EDA: variants seen among roughly 807,000 people sequenced by gnomAD.
The protein encoded by EDA is ectodysplasin A, also known as ectodysplasin-A.
In EDA, 2 loss-of-function variants were observed where a neutral mutation model predicts 23.6. The ratio of observed to expected loss-of-function variants is 0.08; its 90% CI spans 0.03 to 0.27. EDA has a LOEUF of 0.27. Among genes scored for constraint, EDA ranks in the 10% least tolerant of loss-of-function variants. The pLI, the probability that EDA is intolerant of heterozygous loss-of-function variation, is 1.00. For synonymous variants in EDA, 131 were observed against 132.0 expected (o/e 0.99, Z 0.05); for missense variants, 229 against 324.2 (o/e 0.71, Z 2.26).
intron 1 of EDA, among the ~76,000 whole-genome samples, chrX:69,782,114 C>T (rs1249762129): frequency 1.8e-5 from 2 of 109,327 alleles, no homozygotes; most frequent in Non-Finnish European, 3.8e-5. Context: ...CCCAAGTCAA[C>T]CCCTGGCTTG....
In EDA at chrX:69,650,906, G is replaced by A. The variant is rs150563371; in HGVS notation, c.396+34202G>A. On this transcript the variant is annotated intron_variant, in intron 1 of 7. Coordinates refer to ENST00000374552, the MANE Select transcript of EDA (RefSeq NM_001399.5). Reference sequence around the variant, plus strand: ...AGGTGATGGAAAAGCCTATGTGAAAGTCTTGAAGCAAGGAAGAGCGTGGGA... The same window carrying A: ...AGGTGATGGAAAAGCCTATGTGAAAATCTTGAAGCAAGGAAGAGCGTGGGA... Among the ~76,000 whole-genome samples, 150 of 111,038 alleles carry A rather than the reference G, an allele frequency of 1.4e-3. 3 individuals carry two copies. The East Asian group carries it at 0.038, about 28-fold the overall frequency.
At chrX:69,926,087 A>AT (rs999888611) in intron 1 of EDA, among the ~76,000 whole-genome samples, 11 of 107,954 alleles carry the variant, frequency 1.0e-4, no homozygotes, top group African/African-American at 3.7e-4. Flanking sequence ...TATTTTGTTA[A>AT]TTTTTTCAAA....
At chrX:69,617,011 C>T in intron 1 of EDA, 1 of 424,440 alleles carries the variant, frequency 2.4e-6, no homozygotes, top group East Asian at 3.9e-5. Flanking sequence ...GCGCTGCCCC[C>T]CGGCCGACTA....
chrX:69,734,388 T>C (rs2013168903), intron 1 of EDA, among the ~76,000 whole-genome samples: 1 of 112,007 alleles, frequency 8.9e-6, no homozygotes, highest in African/African-American at 3.2e-5. Flanking sequence ...GACCAGCTTG[T>C]GATTTGATTA....
At chrX:69,839,021 T>C (rs748498858) in intron 1 of EDA, among the ~76,000 whole-genome samples, 20 of 112,378 alleles carry the variant, frequency 1.8e-4, no homozygotes, top group Admixed American at 1.7e-3. Flanking sequence ...AGAAAATGTG[T>C]ATTTATGAAC....
chrX:69,726,636 T>G (rs1441424824), intron 1 of EDA, among the ~76,000 whole-genome samples: 3 of 112,650 alleles, frequency 2.7e-5, no homozygotes, highest in Non-Finnish European at 5.6e-5. Context: ...TTGGGTGGCT[T>G]AAACAATAGA....
At chrX:69,855,247 C>T (rs1002209444) in intron 1 of EDA, among the ~76,000 whole-genome samples, 4 of 111,750 alleles carry the variant, frequency 3.6e-5, no homozygotes, top group African/African-American at 6.5e-5. Flanking sequence ...TCTCCCATTC[C>T]GTAGGTTGCC....
At chrX:70,000,789 A>G (rs2019729991) in intron 2 of EDA, among the ~76,000 whole-genome samples, 1 of 112,341 alleles carries the variant, frequency 8.9e-6, no homozygotes, top group Admixed American at 9.5e-5. Flanking sequence ...AGAGAGATGA[A>G]GCAATTTGCT....
chrX:69,657,896 G>T (rs1933366090), intron 1 of EDA, among the ~76,000 whole-genome samples: 1 of 111,617 alleles, frequency 9.0e-6, no homozygotes, highest in Non-Finnish European at 1.9e-5. Flanking sequence ...TTTAAGTCAG[G>T]TAATGTGATG....
rs1291272712 is a variant in EDA at position 69,788,420 on chromosome X, GT to G, written c.397-168603del. On this transcript the variant is annotated intron_variant, in intron 1 of 7. Transcript: ENST00000374552. ...GCTCTGTTTTTTTCCCATCTTTGTGGTTTTATCTACTTTTGGTCTTTGATGA... is the reference window on the plus strand; with the variant it reads ...GCTCTGTTTTTTTCCCATCTTTGTGGTTTATCTACTTTTGGTCTTTGATGA... 1.8e-3 allele frequency among the ~76,000 whole-genome samples: 197 copies of G among 111,955 alleles called. 1 individual carries two copies. Among genetic ancestry groups the G allele is most frequent in the African/African-American group, 6.2e-3 (192 of 30,778 alleles).
chrX:69,863,957 C>T (rs2017442486), intron 1 of EDA, among the ~76,000 whole-genome samples: 1 of 110,340 alleles, frequency 9.1e-6, no homozygotes, highest in Non-Finnish European at 1.9e-5. Context: ...AGTGAATTAA[C>T]CTGGCTTCTT....
chrX:69,774,817 T>C (rs2014734271), intron 1 of EDA, among the ~76,000 whole-genome samples: 1 of 111,516 alleles, frequency 9.0e-6, no homozygotes, highest in Admixed American at 9.6e-5. Flanking sequence ...TTCTCTTTGT[T>C]CATTTTCCAA....
intron 1 of EDA, among the ~76,000 whole-genome samples, chrX:69,701,385 G>A (rs777707333): frequency 1.2e-4 from 13 of 111,748 alleles, no homozygotes; most frequent in East Asian, 2.8e-4. Flanking sequence ...TGGACCAGTC[G>A]CCTTCATTGC....
chrX:70,006,354 G>A (rs998477965), intron 2 of EDA, among the ~76,000 whole-genome samples: 1 of 112,237 alleles, frequency 8.9e-6, no homozygotes, highest in Non-Finnish European at 1.9e-5. Context: ...ATAAGTGAGA[G>A]TTCTTTTTGT....
intron 1 of EDA, among the ~76,000 whole-genome samples, chrX:69,953,586 A>G (rs749474970): frequency 4.5e-5 from 5 of 112,283 alleles, no homozygotes; most frequent in African/African-American, 1.6e-4. Context: ...TTGTACATGA[A>G]TGTTAATATT....
chrX:69,695,249 G>A (rs1020440988), intron 1 of EDA, among the ~76,000 whole-genome samples: 1 of 109,641 alleles, frequency 9.1e-6, no homozygotes, highest in Admixed American at 9.8e-5. Flanking sequence ...GAACTTGGGA[G>A]GTGGAGGTAG....
At chrX:69,880,305 T>C (rs2017724725) in intron 1 of EDA, among the ~76,000 whole-genome samples, 2 of 112,058 alleles carry the variant, frequency 1.8e-5, no homozygotes, top group South Asian at 7.5e-4. Context: ...ATCCTGCAGT[T>C]TGGAAAATCA....
chrX:69,616,626 T>C lies in EDA; in HGVS notation c.318T>C (p.Leu106=), dbSNP rs1602222372. 8.3e-7 allele frequency: 1 copy of C among 1,211,519 alleles called. No homozygotes were observed. The highest frequency in any genetic ancestry group is 2.2e-5 in the Admixed American group (1 of 46,119). Residue 106 remains leucine, a synonymous_variant, in exon 1 of 8, where the codon CTT becomes CTC. Transcript: ENST00000374552. Reference sequence around the variant, plus strand: ...CTGACAGCCCCATCACCAGTCACCTTGGGCAGCCGTCACCTAAGCAGCAGC... The same window carrying C: ...CTGACAGCCCCATCACCAGTCACCTCGGGCAGCCGTCACCTAAGCAGCAGC... ...LDPDSPITSH[L]GQPSPKQQPL...
chrX:69,957,856 A>C lies in EDA; in HGVS notation c.502+724A>C, dbSNP rs184951799. Among the ~76,000 whole-genome samples the C allele has an allele frequency of 6.2e-5, 7 of 112,036 alleles. No individual in the cohort carries two copies. In the East Asian group the frequency reaches 2.0e-3, roughly 31 times the overall value. On this transcript the variant is annotated intron_variant, in intron 2 of 7. Coordinates refer to ENST00000374552, the MANE Select transcript of EDA (RefSeq NM_001399.5). ...GTTAATTCCAATGATAATTTTATCA[A>C]TGTTGGTATCCACTACCATGCCCAA... is the stretch of plus-strand genomic sequence containing the variant.
Sources: allele counts gnomAD v4.1 joint callset (sites outside exome capture counted in the v4.1 genomes callset), GRCh38; gene constraint gnomAD v4.1.1; transcripts MANE v1.5; gene names NCBI Gene and HGNC (gene_info 2026-07-23, HGNC 2026-07-21).